Variants in DNMT3A observed in about 807,000 individuals in gnomAD.
The protein encoded by DNMT3A is DNA methyltransferase 3 alpha.
In DNMT3A, 267 loss-of-function variants were observed where a neutral mutation model predicts 117.6. The observed-to-expected ratio is 2.27, with a 90% CI of 2.05 to 2.51. The LOEUF is 2.51. Among genes scored for constraint, DNMT3A ranks in the 30% most tolerant of loss-of-function variants. The pLI, the probability that DNMT3A is intolerant of heterozygous loss-of-function variation, is 0.00. For synonymous variants in DNMT3A, 432 were observed against 474.8 expected (o/e 0.91, Z 1.17); for missense variants, 1,029 against 1,260.2 (o/e 0.82, Z 2.78).
Position 25,264,132 on chromosome 2 carries a change from G to GTTTTTTTTTTTTTTTTT in DNMT3A, c.639+10792_639+10808dup, listed in dbSNP as rs1175186554. On this transcript the variant is annotated intron_variant, in intron 6 of 22. Coordinates refer to ENST00000321117, the MANE Select transcript of DNMT3A (RefSeq NM_022552.5). Reference sequence around the variant, plus strand: ...TCAGTAAAGGCTGGACAACCCTTTGGTTTTTTTTTTTTTTTTTTTTTTTTT... The same window carrying GTTTTTTTTTTTTTTTTT: ...TCAGTAAAGGCTGGACAACCCTTTGGTTTTTTTTTTTTTTTTTTTTTTTTTTTTTTTTTTTTTTTTTT... 9.6e-4 allele frequency among the ~76,000 whole-genome samples: 71 copies of GTTTTTTTTTTTTTTTTT among 73,756 alleles called. 14 individuals carry two copies. Among genetic ancestry groups the GTTTTTTTTTTTTTTTTT allele is most frequent in the South Asian group, 4.0e-3 (6 of 1,512 alleles). The allele number at this position is 73,756 out of a possible 152,430, so 48.4% of individuals were successfully genotyped here.
rs1369507581 is a variant in DNMT3A at position 25,298,394 on chromosome 2, T to C, written c.177+1745A>G. On this transcript the variant is annotated intron_variant, in intron 3 of 22. Transcript: ENST00000321117. This position sits in a 1 kb window ranked among gnomAD's most constrained non-coding sequence, Gnocchi z 4.3. ...TTTCACCCGAGTGCTTCACTCCACCTCTCAGCGATGTGGCTACCCTCTGAT... is the reference window on the plus strand; with the variant it reads ...TTTCACCCGAGTGCTTCACTCCACCCCTCAGCGATGTGGCTACCCTCTGAT... Among the ~76,000 whole-genome samples the C allele has an allele frequency of 6.6e-6, 1 of 152,174 alleles. No homozygotes were observed. Among genetic ancestry groups the C allele is most frequent in the African/African-American group, 2.4e-5 (1 of 41,430 alleles).
chr2:25,268,252 A>G (rs994157469), intron 6 of DNMT3A, among the ~76,000 whole-genome samples: 6 of 152,322 alleles, frequency 3.9e-5, no homozygotes, highest in Admixed American at 3.9e-4. Context: ...CGGAAGCAGG[A>G]AAGAGACCAG....
intron 1 of DNMT3A, among the ~76,000 whole-genome samples, chr2:25,325,065 G>A (rs1432174762): frequency 6.6e-6 from 1 of 152,098 alleles, no homozygotes; most frequent in Non-Finnish European, 1.5e-5. Context: ...CTGCCACTAC[G>A]GCGGCCACAT....
chr2:25,232,566 TAGAAG>T lies in DNMT3A; in HGVS notation c.*1708_*1712del, dbSNP rs1452193980. The T allele has an allele frequency of 1.3e-5, 2 of 152,692 alleles. No individual in the cohort carries two copies. Among genetic ancestry groups the T allele is most frequent in the African/African-American group, 2.4e-5 (1 of 41,360 alleles). 9.5% of individuals were successfully genotyped at this position (152,692 alleles called of 1,614,324 possible). A position where few individuals can be genotyped will look rare whatever the true frequency, so the allele number is the denominator to read the frequency against. ...ACACCCGACTCAAGAGGAGGGGAAG[TAGAAG>T]AGAAGAGTGACAAGCCCAGAAGGCA... On this transcript the variant is annotated 3_prime_UTR_variant, in exon 23 of 23. Coordinates refer to ENST00000321117, the MANE Select transcript of DNMT3A (RefSeq NM_022552.5). This position sits in a 1 kb window ranked among gnomAD's most constrained non-coding sequence, Gnocchi z 4.1.
chr2:25,243,028 C>T (rs745616452), intron 16 of DNMT3A, among the ~76,000 whole-genome samples: 3 of 152,130 alleles, frequency 2.0e-5, no homozygotes, highest in African/African-American at 7.2e-5. Context: ...TAGCTTTGGC[C>T]GGGTCTGGTG....
At chr2:25,312,989 C>T (rs1434107165) in intron 2 of DNMT3A, among the ~76,000 whole-genome samples, 1 of 152,222 alleles carries the variant, frequency 6.6e-6, no homozygotes, top group African/African-American at 2.4e-5. Flanking sequence ...GCAGGGGGAA[C>T]TGTGGACAGA....
intron 6 of DNMT3A, among the ~76,000 whole-genome samples, chr2:25,262,461 C>A (rs1676701087): frequency 6.6e-6 from 1 of 152,162 alleles, no homozygotes; most frequent in Non-Finnish European, 1.5e-5. Flanking sequence ...CTCAAACCTG[C>A]TCTTCCTCCA....
intron 1 of DNMT3A, among the ~76,000 whole-genome samples, chr2:25,318,488 G>T (rs913093995): frequency 6.6e-6 from 1 of 151,988 alleles, no homozygotes; most frequent in Non-Finnish European, 1.5e-5. Flanking sequence ...CTTTCGCCAT[G>T]TTGGCCAGGC....
rs1448060651 is a variant in DNMT3A at position 25,300,044 on chromosome 2, C to G, written c.177+95G>C. On this transcript the variant is annotated intron_variant, in intron 3 of 22. Coordinates refer to ENST00000321117, the MANE Select transcript of DNMT3A (RefSeq NM_022552.5). ...CCCATCACCTGGTCTTAAATGTCTC[C>G]AGGTCCCTGCAGGACATACATCACT... 4.0e-5 allele frequency: 53 copies of G among 1,341,164 alleles called. 1 individual carries two copies. In the South Asian group the frequency reaches 6.8e-4, roughly 17 times the overall value. 83.1% of individuals were successfully genotyped at this position (1,341,164 alleles called of 1,614,324 possible).
chr2:25,267,175 A>C (rs1472041413), intron 6 of DNMT3A, among the ~76,000 whole-genome samples: 1 of 152,244 alleles, frequency 6.6e-6, no homozygotes, highest in Non-Finnish European at 1.5e-5. Context: ...AACAGGAAAA[A>C]AAGAACCCCT....
chr2:25,249,687 C>G, intron 6 of DNMT3A: 1 of 1,614,170 alleles, frequency 6.2e-7, no homozygotes, highest in South Asian at 1.1e-5. Flanking sequence ...GGCTACGATC[C>G]ACGCGCCCAT....
chr2:25,234,948 G>T lies in DNMT3A; in HGVS notation c.2598-528C>A, dbSNP rs956619306. On this transcript the variant is annotated intron_variant, in intron 22 of 22. Coordinates refer to ENST00000321117, the MANE Select transcript of DNMT3A (RefSeq NM_022552.5). The surrounding 1 kb of genome is among the most constrained non-coding windows in gnomAD (Gnocchi z 4.5). ...GGTTGTTTGTGTAAATGGTCTCTTT[G>T]TCTGGCTAAATCCTAGTTACACTCA... is the stretch of plus-strand genomic sequence containing the variant. Among the ~76,000 whole-genome samples the T allele has an allele frequency of 6.6e-6, 1 of 152,120 alleles. No individual in the cohort carries two copies. The highest frequency in any genetic ancestry group is 2.4e-5 in the African/African-American group (1 of 41,426).
intron 19 of DNMT3A, among the ~76,000 whole-genome samples, chr2:25,240,008 A>C (rs1177984130): frequency 2.6e-5 from 4 of 152,186 alleles, no homozygotes; most frequent in Non-Finnish European, 1.5e-5. Flanking sequence ...ACCATACAGA[A>C]TACCCAACCC....
intron 17 of DNMT3A, 110 bp from the exon 18 acceptor site, chr2:25,240,840 G>C (rs1381363739): frequency 1.9e-6 from 2 of 1,070,000 alleles, no homozygotes; most frequent in African/African-American, 3.1e-5. Flanking sequence ...ACACGAAAGA[G>C]AGGAGACCCA....
intron 12 of DNMT3A, 106 bp from the exon 13 acceptor site, chr2:25,245,438 C>T (rs1466487901): frequency 1.3e-5 from 13 of 1,035,858 alleles, no homozygotes; most frequent in East Asian, 7.3e-5. Context: ...TGTGCCAGAG[C>T]GGCAGCCAGA....
At chr2:25,302,733 A>G (rs1445361457) in intron 2 of DNMT3A, among the ~76,000 whole-genome samples, 1 of 152,180 alleles carries the variant, frequency 6.6e-6, no homozygotes, top group Non-Finnish European at 1.5e-5. Flanking sequence ...TTGCCAGTGC[A>G]GCTTAGTATT....
At chr2:25,300,715 ATATATATATATATATATATAT>A (rs2033424903) in intron 2 of DNMT3A, among the ~76,000 whole-genome samples, 8 of 4,548 alleles carry the variant, frequency 1.8e-3, no homozygotes, top group Admixed American at 4.5e-3. Context: ...ATAATATAAT[ATATATATATATATATATATAT>A]ATATATATAT....
chr2:25,246,186 T>G lies in DNMT3A; in HGVS notation c.1403A>C (p.Lys468Thr). 1 of 1,614,098 alleles carries G rather than the reference T, an allele frequency of 6.2e-7. No homozygotes were observed. Among genetic ancestry groups the G allele is most frequent in the Non-Finnish European group, 8.5e-7 (1 of 1,179,960 alleles). ...RKSTAEKPKV[K>T]EIIDERTRER... ...TCTTGTGCGCTCATCAATAATCTCC[T>G]TGACCTTGGGCTTCTCCGCTGTGCT... Residue 468 changes from lysine (K) to threonine (T), a missense_variant, in exon 11 of 23, where the codon AAG becomes ACG. Coordinates refer to ENST00000321117, the MANE Select transcript of DNMT3A (RefSeq NM_022552.5).
intron 1 of DNMT3A, among the ~76,000 whole-genome samples, chr2:25,335,316 C>T (rs115395003): frequency 0.02 from 3,049 of 152,328 alleles, 108 homozygotes; most frequent in African/African-American, 0.068. Context: ...AAGCCTCTTT[C>T]CAAACAGGTT....
Sources: gnomAD v4.1 joint callset for allele counts (sites outside exome capture counted in the v4.1 genomes callset) on GRCh38, gnomAD v4.1.1 for gene constraint, Gnocchi (gnomAD v3.1) non-coding constraint, MANE v1.5 for transcripts, NCBI Gene and HGNC (gene_info 2026-07-23, HGNC 2026-07-21) for gene names.